The following BPTF variants were observed in gnomAD, a reference collection of about 807,000 sequenced individuals.
BPTF encodes bromodomain PHD finger transcription factor.
BPTF carries 18 observed loss-of-function variants against 292.5 expected under a neutral mutation model. That is an observed-to-expected ratio of 0.06 (90% CI 0.04 to 0.09). The LOEUF is 0.09. Ranked by LOEUF, BPTF falls within the 10% of genes least tolerant of loss-of-function variation. The pLI is 1.00. For missense variants in BPTF, 2,726 were observed against 3,498.7 expected (o/e 0.78, Z 5.57); for synonymous variants, 1,225 against 1,251.9 (o/e 0.98, Z 0.45).
chr17:67,909,460 T>C (rs774868449), intron 9 of BPTF, 122 bp from the exon 10 acceptor site: 1 of 717,934 alleles, frequency 1.4e-6, no homozygotes, highest in Admixed American at 3.7e-5. Flanking sequence ...TTTTTTTTTT[T>C]TTAAATGAAA....
At chr17:67,949,489 C>A (rs1284040560) in intron 23 of BPTF, among the ~76,000 whole-genome samples, 10 of 151,698 alleles carry the variant, frequency 6.6e-5, no homozygotes, top group Admixed American at 6.6e-4. Context: ...GCAGGATAAT[C>A]GTTTGAACCT....
chr17:67,900,095 T>A (rs1284855785), intron 7 of BPTF, among the ~76,000 whole-genome samples: 1 of 152,042 alleles, frequency 6.6e-6, no homozygotes, highest in Non-Finnish European at 1.5e-5. Flanking sequence ...TAATTGTGTG[T>A]GTGCGCATGT....
chr17:67,871,387 G>A (rs2059723427), intron 3 of BPTF, among the ~76,000 whole-genome samples: 1 of 143,946 alleles, frequency 6.9e-6, no homozygotes, highest in African/African-American at 2.6e-5. Flanking sequence ...GTTGCAGTGA[G>A]CCGAGATCGT....
intron 18 of BPTF, among the ~76,000 whole-genome samples, chr17:67,936,970 G>A (rs1040334294): frequency 1.3e-5 from 2 of 152,090 alleles, no homozygotes; most frequent in African/African-American, 4.8e-5. Flanking sequence ...CAATTATTCA[G>A]TACTACCTAT....
intron 18 of BPTF, among the ~76,000 whole-genome samples, chr17:67,934,891 C>CAAAAAAAAAAAAA (rs2064784866): frequency 1.1e-5 from 1 of 92,764 alleles, no homozygotes; most frequent in African/African-American, 5.7e-5. Flanking sequence ...AAAAAAAAAG[C>CAAAAAAAAAAAAA]ATGTAAGTAC....
chr17:67,843,911 A>G (rs2057795454), intron 1 of BPTF, among the ~76,000 whole-genome samples: 1 of 148,766 alleles, frequency 6.7e-6, no homozygotes, highest in South Asian at 2.1e-4. Flanking sequence ...GATTACAGGC[A>G]TGTGCCACCA....
At chr17:67,964,822 A>AC (rs1205082912) in intron 25 of BPTF, among the ~76,000 whole-genome samples, 3 of 151,408 alleles carry the variant, frequency 2.0e-5, no homozygotes, top group South Asian at 4.2e-4. Context: ...ACACGGTGAA[A>AC]CCCCGTCTCT....
chr17:67,841,859 C>CTT, intron 1 of BPTF, among the ~76,000 whole-genome samples: 1 of 151,990 alleles, frequency 6.6e-6, no homozygotes, highest in South Asian at 2.1e-4. Flanking sequence ...CTGATTATCT[C>CTT]TTTTTTGAGG....
chr17:67,876,653 A>G (rs1315689616), intron 4 of BPTF, among the ~76,000 whole-genome samples: 1 of 152,054 alleles, frequency 6.6e-6, no homozygotes, highest in Non-Finnish European at 1.5e-5. Flanking sequence ...TGAAAATGCA[A>G]AAATTAGCTG....
intron 19 of BPTF, among the ~76,000 whole-genome samples, chr17:67,941,582 T>A (rs1555671976): frequency 6.6e-6 from 1 of 152,208 alleles, no homozygotes; most frequent in Non-Finnish European, 1.5e-5. Flanking sequence ...TGTGGACACT[T>A]GTTATATGAC....
At chr17:67,894,590 A>G (rs959175801) in intron 7 of BPTF, among the ~76,000 whole-genome samples, 1 of 152,312 alleles carries the variant, frequency 6.6e-6, no homozygotes, top group Non-Finnish European at 1.5e-5. Flanking sequence ...GGCCTCCCAA[A>G]GTGCCGGGAT....
Position 67,875,618 on chromosome 17 carries a change from A to C in BPTF, c.1864+598A>C, listed in dbSNP as rs200204370. The C allele has an allele frequency of 6.2e-6, 10 of 1,600,192 alleles. No homozygotes were observed. The East Asian group carries it at 2.3e-4, about 36-fold the overall frequency. Reference sequence around the variant, plus strand: ...AGCAAATCTTGGCGACAACACAACAAATGCAACTTCAGAAGAGACTAGTCC... The same window carrying C: ...AGCAAATCTTGGCGACAACACAACACATGCAACTTCAGAAGAGACTAGTCC... On this transcript the variant is annotated intron_variant, in intron 4 of 27. Transcript: ENST00000306378.
At chr17:67,930,908 T>G (rs1283079382) in intron 17 of BPTF, among the ~76,000 whole-genome samples, 3 of 151,432 alleles carry the variant, frequency 2.0e-5, no homozygotes, top group African/African-American at 7.3e-5. Context: ...TGAGCTGAGA[T>G]GGTGCCACTG....
At position 67,922,915 on chromosome 17, in the gene BPTF, C is replaced by T; in HGVS notation, c.5633C>T (p.Thr1878Ile). 1 of 1,614,128 alleles carries T rather than the reference C, an allele frequency of 6.2e-7. No individual in the cohort carries two copies. Among genetic ancestry groups the T allele is most frequent in the South Asian group, 1.1e-5 (1 of 91,072 alleles). ...RPKRPETPKQ[T>I]GPVIIETWVA... is the part of the protein sequence containing the mutation. The stretch of plus-strand genomic sequence containing the variant: ...AAGAGACCAGAAACGCCCAAGCAAA[C>T]TGGCCCTGTTATTATTGAAACCTGG... The change falls in exon 14 of 28, where the codon ACT becomes ATT. Residue 1878 changes from threonine (T) to isoleucine (I), a missense_variant. This residue lies in a region of BPTF where 198 missense variants were observed against 277.1 expected (regional missense o/e 0.71). Transcript: ENST00000306378.
intron 1 of BPTF, among the ~76,000 whole-genome samples, chr17:67,835,592 A>G (rs2057059929): frequency 6.7e-6 from 1 of 149,754 alleles, no homozygotes; most frequent in Non-Finnish European, 1.5e-5. Flanking sequence ...ACTTTCCATT[A>G]TTTGTTGTCC....
intron 5 of BPTF, among the ~76,000 whole-genome samples, chr17:67,892,954 G>A (rs2061220168): frequency 1.3e-5 from 2 of 152,096 alleles, no homozygotes; most frequent in Non-Finnish European, 2.9e-5. Context: ...ATGATAAAAG[G>A]ACCCGAAAGG....
At chr17:67,887,954 G>A (rs985336171) in intron 4 of BPTF, among the ~76,000 whole-genome samples, 4 of 152,194 alleles carry the variant, frequency 2.6e-5, no homozygotes, top group Non-Finnish European at 5.9e-5. Context: ...AATTTGAGTG[G>A]CTTATCTTGG....
At chr17:67,946,576 A>G (rs544440922) in intron 21 of BPTF, among the ~76,000 whole-genome samples, 2 of 152,330 alleles carry the variant, frequency 1.3e-5, no homozygotes, top group Non-Finnish European at 2.9e-5. Flanking sequence ...CTAAGATGGG[A>G]AGAATGGAGT....
chr17:67,949,660 G>C (rs148511710), intron 23 of BPTF, among the ~76,000 whole-genome samples: 9 of 41,964 alleles, frequency 2.1e-4, no homozygotes, highest in Admixed American at 1.3e-3. Flanking sequence ...TATACACACA[G>C]ACATATATAT....
Sources: gnomAD v4.1 joint callset for allele counts (sites outside exome capture counted in the v4.1 genomes callset) on GRCh38, gnomAD v4.1.1 for gene constraint, gnomAD v4.1.1 regional missense constraint, MANE v1.5 for transcripts, NCBI Gene and HGNC (gene_info 2026-07-23, HGNC 2026-07-21) for gene names.